The following ZDHHC22 variants were observed in gnomAD, a reference collection of about 807,000 sequenced individuals.
ZDHHC22 encodes the protein zDHHC palmitoyltransferase 22, also known as palmitoyltransferase ZDHHC22.
ZDHHC22 carries 13 observed loss-of-function variants against 17.0 expected under a neutral mutation model. The observed-to-expected ratio is 0.76, with a 90% confidence interval of 0.50 to 1.21. The LOEUF is 1.21. ZDHHC22 is among the 50% of genes most tolerant of loss of function. ZDHHC22 has a pLI of 0.00. For missense variants in ZDHHC22, 319 were observed against 342.3 expected (o/e 0.93, Z 0.54); for synonymous variants, 138 against 154.7 (o/e 0.89, Z 0.80).
chr14:77,139,869 C>A (rs1365479266), intron 1 of ZDHHC22, 117 bp from the exon 2 acceptor site: 1 of 1,116,068 alleles, frequency 9.0e-7, no homozygotes, highest in South Asian at 1.9e-5. Context: ...CCCCCAACCC[C>A]CTGTCCCGCG....
chr14:77,135,869 T>G (rs1887126899), intron 2 of ZDHHC22, among the ~76,000 whole-genome samples: 1 of 152,340 alleles, frequency 6.6e-6, no homozygotes, highest in East Asian at 1.9e-4. Flanking sequence ...CTTGGCCCCA[T>G]GCAGCAGCTA....
rs1478329918 is a variant in ZDHHC22 at position 77,139,519 on chromosome 14, C to T, written c.220G>A (p.Asp74Asn). ...NYVLVIQNSP[D>N]DLGACQGASA... The stretch of plus-strand genomic sequence containing the variant: ...GCCCCCTGGCAGGCCCCCAGGTCGT[C>T]TGGGGAGTTCTGGATGACAAGGACG... The change falls in exon 2 of 3, where the codon GAC becomes AAC. Residue 74 changes from aspartate (D) to asparagine (N), a missense_variant. By Grantham distance (23) the Asp-to-Asn change is conservative (BLOSUM62 1). Transcript: ENST00000319374. 1.2e-6 allele frequency: 2 copies of T among 1,610,416 alleles called. No homozygotes were observed. Among genetic ancestry groups the T allele is most frequent in the Admixed American group, 1.7e-5 (1 of 59,432 alleles).
Position 77,139,565 on chromosome 14 carries a change from CGAGAG to C in ZDHHC22, c.169_173del (p.Leu57GlyfsTer35). The C allele has an allele frequency of 6.2e-7, 1 of 1,602,132 alleles. No homozygotes were observed. Among genetic ancestry groups the C allele is most frequent in the East Asian group, 2.3e-5 (1 of 44,396 alleles). On this transcript the variant is annotated frameshift_variant, in exon 2 of 3. Transcript: ENST00000319374. LOFTEE classifies it high-confidence loss of function. ...GGACGTAATTGCCCAGGGCGTTGGCCGAGAGGAATAGGAAGAGCGCCCCGTGGAGC... is the reference window on the plus strand; with the variant it reads ...GGACGTAATTGCCCAGGGCGTTGGCCGAATAGGAAGAGCGCCCCGTGGAGC...
Position 77,139,493 on chromosome 14 carries a change from G to C in ZDHHC22, c.246C>G (p.Ala82=). Residue 82 remains alanine, a synonymous_variant, in exon 2 of 3, where the codon GCC becomes GCG. Transcript: ENST00000319374. The part of the protein sequence containing the change: ...SPDDLGACQG[A]SARKTPCPSP... ...AGGGGCATGGAGTCTTCCTGGCCGAGGCCCCCTGGCAGGCCCCCAGGTCGT... is the reference window on the plus strand; with the variant it reads ...AGGGGCATGGAGTCTTCCTGGCCGACGCCCCCTGGCAGGCCCCCAGGTCGT... The C allele has an allele frequency of 6.2e-7, 1 of 1,612,708 alleles. No homozygotes were observed. Among genetic ancestry groups the C allele is most frequent in the Non-Finnish European group, 8.5e-7 (1 of 1,179,462 alleles).
chr14:77,137,808 T>C (rs1887167178), intron 2 of ZDHHC22, among the ~76,000 whole-genome samples: 1 of 152,184 alleles, frequency 6.6e-6, no homozygotes, highest in Non-Finnish European at 1.5e-5. Flanking sequence ...TTTTTATGAA[T>C]GTTCAGCCCA....
Position 77,133,543 on chromosome 14 carries a change from T to C in ZDHHC22, c.*140A>G, listed in dbSNP as rs561294049. The C allele has an allele frequency of 1.8e-5, 21 of 1,179,000 alleles. No homozygotes were observed. In the East Asian group the frequency reaches 3.6e-4, roughly 20 times the overall value. 73.0% of individuals were successfully genotyped at this position (1,179,000 alleles called of 1,614,324 possible). A position where few individuals can be genotyped will look rare whatever the true frequency, so the allele number is the denominator to read the frequency against. On this transcript the variant is annotated 3_prime_UTR_variant, in exon 3 of 3. Transcript: ENST00000319374. ...GATCCACCAGCTCACGCTGTTCTCA[T>C]GGGTGGAAGGTGAGGGGAAGATGCT...
rs1224106593 is a variant in ZDHHC22 at position 77,133,916 on chromosome 14, G to C, written c.559C>G (p.Leu187Val). 2 of 1,607,968 alleles carry C rather than the reference G, an allele frequency of 1.2e-6. No homozygotes were observed. Among genetic ancestry groups the C allele is most frequent in the Admixed American group, 1.7e-5 (1 of 59,276 alleles). Residue 187 changes from leucine (L) to valine (V), a missense_variant, in exon 3 of 3, where the codon CTC becomes GTC. Leu to Val is a conservative substitution (Grantham distance 32, BLOSUM62 1). Transcript: ENST00000319374. ...AVLGSEMFVILMLYLWFAIGL... is the reference protein window; with the variant it reads ...AVLGSEMFVIVMLYLWFAIGL... ...ATGGCGAACCAGAGGTAGAGCATGA[G>C]GATGACGAACATTTCAGAACCCAGG... is the stretch of plus-strand genomic sequence containing the variant.
chr14:77,139,837 G>A (rs2140054881), intron 1 of ZDHHC22, 85 bp from the exon 2 acceptor site: 1 of 1,352,394 alleles, frequency 7.4e-7, no homozygotes, highest in East Asian at 2.5e-5. Flanking sequence ...CGCGCGTCTG[G>A]GGCACTGCAC....
chr14:77,139,323 T>C lies in ZDHHC22; in HGVS notation c.416A>G (p.Tyr139Cys), dbSNP rs1440896251. The change falls in exon 2 of 3, where the codon TAC becomes TGC. Residue 139 changes from tyrosine (Y) to cysteine (C), a missense_variant. Transcript: ENST00000319374. ...GTAGGCCACGCCGGCCACCATGGAG[T>C]AGAGGCAGGCCAGGGAGGTGTAGAG... is the stretch of plus-strand genomic sequence containing the variant. The part of the protein sequence containing the change: ...FCLYTSLACL[Y>C]SMVAGVAYIS... 2.5e-6 allele frequency: 4 copies of C among 1,600,422 alleles called. No homozygotes were observed. The South Asian group carries it at 3.4e-5, about 14-fold the overall frequency.
rs1261598001 is a variant in ZDHHC22 at position 77,140,340 on chromosome 14, C to A, written c.-14-588G>T. On this transcript the variant is annotated intron_variant, in intron 1 of 2. Transcript: ENST00000319374. This position sits in a 1 kb window ranked among gnomAD's most constrained non-coding sequence, Gnocchi z 5.9. ...TTGGAGGTATGTGTGCGTGAGGGACCACGATGTGTGTGTGTGTGTCCTTGT... is the reference window on the plus strand; with the variant it reads ...TTGGAGGTATGTGTGCGTGAGGGACAACGATGTGTGTGTGTGTGTCCTTGT... Among the ~76,000 whole-genome samples, 1 of 151,822 alleles carries A rather than the reference C, an allele frequency of 6.6e-6. No individual in the cohort carries two copies. The highest frequency in any genetic ancestry group is 1.9e-4 in the East Asian group (1 of 5,182).
intron 2 of ZDHHC22, 67 bp from the exon 3 acceptor site, chr14:77,134,015 C>T: frequency 1.4e-6 from 2 of 1,473,566 alleles, no homozygotes; most frequent in Non-Finnish European, 1.8e-6. Context: ...TAACTGCGAT[C>T]TAGGCAGGCT....
At chr14:77,138,643 T>C (rs1594831287) in intron 2 of ZDHHC22, among the ~76,000 whole-genome samples, 1 of 151,982 alleles carries the variant, frequency 6.6e-6, no homozygotes, top group Admixed American at 6.5e-5. Flanking sequence ...AACAGGCTGG[T>C]GAGGTCAAAC....
intron 2 of ZDHHC22, among the ~76,000 whole-genome samples, chr14:77,138,429 G>A (rs553087260): frequency 1.2e-4 from 18 of 152,238 alleles, no homozygotes; most frequent in African/African-American, 2.6e-4. Context: ...GTGGTGGCAC[G>A]CACCTGTAAT....
Position 77,139,269 on chromosome 14 carries a change from G to T in ZDHHC22, c.470C>A (p.Ala157Asp). 2 of 1,595,522 alleles carry T rather than the reference G, an allele frequency of 1.3e-6. No homozygotes were observed. Among genetic ancestry groups the T allele is most frequent in the Admixed American group, 1.8e-5 (1 of 56,822 alleles). ...YISAVLSISFAHPLAFLTLLP... is the reference protein window; with the variant it reads ...YISAVLSISFDHPLAFLTLLP... Reference sequence around the variant, plus strand: ...GAGCGTGAGGAAGGCCAAGGGGTGGGCGAAGGAGATGGAAAGGACAGCGGA... The same window carrying T: ...GAGCGTGAGGAAGGCCAAGGGGTGGTCGAAGGAGATGGAAAGGACAGCGGA... The change falls in exon 2 of 3, where the codon GCC (alanine) becomes GAC (aspartate). Residue 157 changes from alanine to aspartate, a missense_variant. Transcript: ENST00000319374.
rs1467422476 is a variant in ZDHHC22, at chr14:77,131,942, G to T, written c.*1741C>A. 6.6e-6 allele frequency: 1 copy of T among 152,234 alleles called. No individual in the cohort carries two copies. Among genetic ancestry groups the T allele is most frequent in the East Asian group, 1.9e-4 (1 of 5,198 alleles). The allele number at this position is 152,234 out of a possible 1,614,324, so 9.4% of individuals were successfully genotyped here. A position where few individuals can be genotyped will look rare whatever the true frequency, so the allele number is the denominator to read the frequency against. The stretch of plus-strand genomic sequence containing the variant: ...CAATACTACATTAGCTCTCTAGGGG[G>T]TGTGAAGGCAGAACCACAGTAAAGT... On this transcript the variant is annotated 3_prime_UTR_variant, in exon 3 of 3. Coordinates refer to ENST00000319374, the MANE Select transcript of ZDHHC22 (RefSeq NM_174976.2).
rs1594828727 is a variant in ZDHHC22 at position 77,132,403 on chromosome 14, T to A, written c.*1280A>T. 10 of 152,098 alleles carry A rather than the reference T, an allele frequency of 6.6e-5. No individual in the cohort carries two copies. Among genetic ancestry groups the A allele is most frequent in the Admixed American group, 6.6e-4 (10 of 15,264 alleles). 9.4% of individuals were successfully genotyped at this position (152,098 alleles called of 1,614,324 possible). A position where few individuals can be genotyped will look rare whatever the true frequency, so the allele number is the denominator to read the frequency against. On this transcript the variant is annotated 3_prime_UTR_variant, in exon 3 of 3. Transcript: ENST00000319374. ...CTCTCTCTTCAGTGGCTGGGTTGGG[T>A]CCTGATTTTCAGACCCCTCCCATGC...
intron 2 of ZDHHC22, among the ~76,000 whole-genome samples, chr14:77,137,479 G>A (rs1887158725): frequency 6.6e-6 from 1 of 152,170 alleles, no homozygotes; most frequent in Non-Finnish European, 1.5e-5. Context: ...GAAAGTATAA[G>A]CAGGCTTGTT....
Position 77,139,725 on chromosome 14 carries a change from C to CGCA in ZDHHC22, c.11_13dup (p.Leu4dup), listed in dbSNP as rs1198771869. The CGCA allele has an allele frequency of 1.3e-6, 2 of 1,507,730 alleles. No individual in the cohort carries two copies. The highest frequency in any genetic ancestry group is 4.6e-5 in the East Asian group (2 of 43,020). The allele number at this position is 1,507,730 out of a possible 1,614,324, so 93.4% of individuals were successfully genotyped here. A position where few individuals can be genotyped will look rare whatever the true frequency, so the allele number is the denominator to read the frequency against. ...GGCGGGGGCCACCACGTTGAGCAGC[C>CGCA]GCAGGGCCAGCATCCTCGATTACAT... is the stretch of plus-strand genomic sequence containing the variant. On this transcript the variant is annotated inframe_insertion, in exon 2 of 3. Coordinates refer to ENST00000319374, the MANE Select transcript of ZDHHC22 (RefSeq NM_174976.2).
At chr14:77,139,066 G>C (rs68061105) in intron 2 of ZDHHC22, 147 bp downstream of exon 2, 40,922 of 941,808 alleles carry the variant, frequency 0.043, 1,309 homozygotes, top group African/African-American at 0.11. Flanking sequence ...ATTATGAGTT[G>C]TTTATCTGAA....
Sources: allele counts gnomAD v4.1 joint callset (sites outside exome capture counted in the v4.1 genomes callset), GRCh38; gene constraint gnomAD v4.1.1; non-coding constraint Gnocchi (gnomAD v3.1); transcripts MANE v1.5; gene names NCBI Gene and HGNC (gene_info 2026-07-23, HGNC 2026-07-21).